Variants in SACM1L observed in about 807,000 individuals in gnomAD.
SACM1L encodes phosphatidylinositol-3-phosphatase SAC1.
Under a neutral mutation model 89.5 loss-of-function variants are expected in SACM1L, and 32 were observed. The observed-to-expected ratio is 0.36, with a 90% CI of 0.27 to 0.48. SACM1L has a LOEUF of 0.48. Among genes scored for constraint, SACM1L ranks in the 20% least tolerant of loss-of-function variants. SACM1L has a pLI of 0.99. For missense variants in SACM1L, 543 were observed against 708.5 expected, an observed-to-expected ratio of 0.77 and a Z score of 2.65; for synonymous variants, 213 against 232.8, an observed-to-expected ratio of 0.92 and a Z score of 0.77.
chr3:45,706,324 C>T (rs532654936), intron 3 of SACM1L, among the ~76,000 whole-genome samples: 1 of 152,264 alleles, frequency 6.6e-6, no homozygotes, highest in Admixed American at 6.5e-5. Flanking sequence ...ACTGCCCCAG[C>T]ACATTTCTCT....
chr3:45,717,531 A>C (rs1051865461), intron 7 of SACM1L, among the ~76,000 whole-genome samples: 2 of 152,228 alleles, frequency 1.3e-5, no homozygotes, highest in African/African-American at 4.8e-5. Flanking sequence ...GGGTTTTGGT[A>C]CTGTTTTGAA....
In SACM1L at chr3:45,720,291, T is replaced by C. The variant is rs527454529; in HGVS notation, c.679+690T>C. On this transcript the variant is annotated intron_variant, in intron 8 of 19. Coordinates refer to ENST00000389061, the MANE Select transcript of SACM1L (RefSeq NM_014016.5). Reference sequence around the variant, plus strand: ...AAACCAAAATTAAAGTTAGCAACTCTGTTGTAACTAGATTTTCTTGGATGG... The same window carrying C: ...AAACCAAAATTAAAGTTAGCAACTCCGTTGTAACTAGATTTTCTTGGATGG... Among the ~76,000 whole-genome samples the C allele has an allele frequency of 1.2e-4, 19 of 152,338 alleles. No individual in the cohort carries two copies. In the South Asian group the frequency reaches 3.7e-3, roughly 30 times the overall value.
chr3:45,729,923 C>A (rs548992240), intron 11 of SACM1L, among the ~76,000 whole-genome samples: 1 of 151,876 alleles, frequency 6.6e-6, no homozygotes, highest in South Asian at 2.1e-4. Context: ...TATTTTATTT[C>A]ACTTTTTGTA....
intron 7 of SACM1L, among the ~76,000 whole-genome samples, chr3:45,714,317 T>G (rs1315388148): frequency 6.6e-6 from 1 of 152,074 alleles, no homozygotes; most frequent in Non-Finnish European, 1.5e-5. Flanking sequence ...GTTGGTTGTT[T>G]AAAGAAAAGG....
intron 2 of SACM1L, among the ~76,000 whole-genome samples, chr3:45,704,654 TC>T (rs1698344720): frequency 1.3e-5 from 2 of 152,204 alleles, no homozygotes; most frequent in South Asian, 4.1e-4. Context: ...CCTTGATCTT[TC>T]AGTAATGTTT....
chr3:45,689,482 A>C lies in SACM1L; in HGVS notation c.17A>C (p.Tyr6Ser), dbSNP rs750652021. ...TTGTGCAGGATGGCGACGGCGGCCT[A>C]CGAGCAGCTGAAGCTGTGAGTCCCA... MATAA[Y>S]EQLKLHITPE... Residue 6 changes from tyrosine (Y) to serine (S), a missense_variant, in exon 1 of 20, where the codon TAC becomes TCC. By Grantham distance (144) the Tyr-to-Ser change is moderately radical. Around this residue, in one of 2 missense-constraint regions of SACM1L, gnomAD observed 173 missense variants for 180.9 expected, o/e 0.96. Transcript: ENST00000389061. 6.3e-7 allele frequency: 1 copy of C among 1,579,346 alleles called. No individual in the cohort carries two copies. Among genetic ancestry groups the C allele is most frequent in the South Asian group, 1.2e-5 (1 of 86,366 alleles).
At chr3:45,691,622 T>A (rs891475559) in intron 1 of SACM1L, among the ~76,000 whole-genome samples, 1 of 152,110 alleles carries the variant, frequency 6.6e-6, no homozygotes. Context: ...TTGTTTCGTT[T>A]TGTCTTTAAA....
rs777539028 is a variant in SACM1L at position 45,714,074 on chromosome 3, A to T, written c.572A>T (p.His191Leu). The T allele has an allele frequency of 6.4e-7, 1 of 1,550,472 alleles. No homozygotes were observed. Among genetic ancestry groups the T allele is most frequent in the African/African-American group, 1.4e-5 (1 of 73,438 alleles). ...CATCGGTTTGCCCTTCCAGTGTTAC[A>T]TGGCTGTATCCTTACATGATATTAC... Reference protein sequence around the residue: ...EVHRFALPVLHGFITMHSCSI... With the variant: ...EVHRFALPVLLGFITMHSCSI... Residue 191 changes from histidine (H) to leucine (L), a missense_variant, in exon 7 of 20, where the codon CAT (histidine) becomes CTT (leucine). By Grantham distance (99) the His-to-Leu change is moderately conservative (BLOSUM62 -3). Transcript: ENST00000389061.
At chr3:45,697,929 G>T (rs1698169328) in intron 1 of SACM1L, among the ~76,000 whole-genome samples, 1 of 152,080 alleles carries the variant, frequency 6.6e-6, no homozygotes, top group Admixed American at 6.5e-5. Context: ...TAATCTTCTT[G>T]GATCGAATCT....
intron 11 of SACM1L, among the ~76,000 whole-genome samples, chr3:45,726,869 C>CTTTTTTTTTTTTTTTTT (rs1158423503): frequency 1.9e-5 from 1 of 52,344 alleles, no homozygotes. Flanking sequence ...TGCTTTATTT[C>CTTTTTTTTTTTTTTTTT]TTTTTTTTTT....
intron 1 of SACM1L, among the ~76,000 whole-genome samples, chr3:45,696,677 C>T (rs1317573072): frequency 6.6e-6 from 1 of 151,858 alleles, no homozygotes; most frequent in African/African-American, 2.4e-5. Context: ...AGATAATAGC[C>T]ATTTTAATGG....
chr3:45,722,282 A>G, intron 9 of SACM1L, among the ~76,000 whole-genome samples, 197 bp downstream of exon 9: 1 of 152,094 alleles, frequency 6.6e-6, no homozygotes, highest in Admixed American at 6.6e-5. Context: ...TCCTGCCCTT[A>G]AATTAAATCC....
chr3:45,744,470 C>G lies in SACM1L; in HGVS notation c.*801C>G, dbSNP rs1211649162. The G allele has an allele frequency of 6.6e-6, 1 of 152,632 alleles. No homozygotes were observed. Among genetic ancestry groups the G allele is most frequent in the African/African-American group, 2.4e-5 (1 of 41,434 alleles). 9.5% of individuals were successfully genotyped at this position (152,632 alleles called of 1,614,324 possible). ...GATGCCCATGACTGGTCAGCTACTT[C>G]CTCCTATACATTTTGGTTTCTTTGA... On this transcript the variant is annotated 3_prime_UTR_variant, in exon 20 of 20. Transcript: ENST00000389061.
At chr3:45,699,463 T>A (rs897468608) in intron 1 of SACM1L, among the ~76,000 whole-genome samples, 2 of 50,674 alleles carry the variant, frequency 3.9e-5, no homozygotes, top group East Asian at 9.7e-4. Context: ...TTATATAAAT[T>A]TTATAAAATT....
At chr3:45,738,899 A>T in intron 18 of SACM1L, 26 bp downstream of exon 18, 1 of 1,410,638 alleles carries the variant, frequency 7.1e-7, no homozygotes, top group Non-Finnish European at 1.0e-6. Context: ...GTATTTTTCA[A>T]GTTTTTAAAA....
chr3:45,742,249 G>A (rs1047004969), intron 19 of SACM1L, among the ~76,000 whole-genome samples: 1 of 152,168 alleles, frequency 6.6e-6, no homozygotes, highest in Non-Finnish European at 1.5e-5. Context: ...ATGCAAATTC[G>A]AGTATATTTT....
intron 11 of SACM1L, among the ~76,000 whole-genome samples, chr3:45,727,887 G>A (rs1306437784): frequency 6.6e-5 from 10 of 152,114 alleles, no homozygotes; most frequent in Non-Finnish European, 8.8e-5. Context: ...GAGCCACTGC[G>A]CCCAGCCTCT....
rs869095037 is a variant in SACM1L at position 45,697,269 on chromosome 3, C to CTTTTTTT, written c.33-6150_33-6144dup. 9.9e-4 allele frequency among the ~76,000 whole-genome samples: 91 copies of CTTTTTTT among 92,112 alleles called. 1 individual carries two copies. The highest frequency in any genetic ancestry group is 1.3e-3 in the Non-Finnish European group (65 of 48,904). 60.4% of individuals were successfully genotyped at this position (92,112 alleles called of 152,430 possible). A position where few individuals can be genotyped will look rare whatever the true frequency, so the allele number is the denominator to read the frequency against. ...CCTGCTTTGTTTTTCTTTTCTTTTC[C>CTTTTTTT]TTTTTTTTTTTTTTTTTTTTTTTTT... is the stretch of plus-strand genomic sequence containing the variant. On this transcript the variant is annotated intron_variant, in intron 1 of 19. Coordinates refer to ENST00000389061, the MANE Select transcript of SACM1L (RefSeq NM_014016.5).
rs1456735164 is a variant in SACM1L at position 45,743,895 on chromosome 3, T to G, written c.*226T>G. ...TTTATAATTTGAAGCTATTCTGTAA[T>G]TAAAATATAACCTGAATTCAGCTTG... On this transcript the variant is annotated 3_prime_UTR_variant, in exon 20 of 20. Coordinates refer to ENST00000389061, the MANE Select transcript of SACM1L (RefSeq NM_014016.5). 11 of 380,118 alleles carry G rather than the reference T, an allele frequency of 2.9e-5. No individual in the cohort carries two copies. The East Asian group carries it at 4.6e-4, about 16-fold the overall frequency. 23.5% of individuals were successfully genotyped at this position (380,118 alleles called of 1,614,324 possible).
Sources: gnomAD v4.1 joint callset for allele counts (sites outside exome capture counted in the v4.1 genomes callset) on GRCh38, gnomAD v4.1.1 for gene constraint, gnomAD v4.1.1 regional missense constraint, MANE v1.5 for transcripts, NCBI Gene and HGNC (gene_info 2026-07-23, HGNC 2026-07-21) for gene names.